The following SLC6A15 variants were observed in gnomAD, a reference collection of about 807,000 sequenced individuals.
SLC6A15 encodes the protein sodium-dependent neutral amino acid transporter B(0)AT2.
SLC6A15 carries 33 observed loss-of-function variants against 68.5 expected under a neutral mutation model. The observed-to-expected ratio is 0.48, with a 90% CI of 0.37 to 0.64. The LOEUF is 0.64. Ranked by LOEUF, SLC6A15 falls within the 30% of genes least tolerant of loss-of-function variation. The pLI is 0.00. For missense variants in SLC6A15, 747 were observed against 874.3 expected, an observed-to-expected ratio of 0.85 and a Z score of 1.84; for synonymous variants, 347 against 301.0, an observed-to-expected ratio of 1.15 and a Z score of -1.58.
At chr12:84,902,442 A>G (rs1872927767) in intron 1 of SLC6A15, among the ~76,000 whole-genome samples, 2 of 152,030 alleles carry the variant, frequency 1.3e-5, no homozygotes, top group South Asian at 2.1e-4. Context: ...CTGAAAAACA[A>G]CTTGGTTACT....
At position 84,883,331 on chromosome 12, in the gene SLC6A15, C is replaced by T. The variant is rs567486360; in HGVS notation, c.756+528G>A. The T allele has an allele frequency of 4.6e-5, 46 of 989,468 alleles. No individual in the cohort carries two copies. The African/African-American group carries it at 7.7e-4, about 17-fold the overall frequency. The allele number at this position is 989,468 out of a possible 1,614,324, so 61.3% of individuals were successfully genotyped here. The stretch of plus-strand genomic sequence containing the variant: ...GAATGATATTTAGTCTTTTACATTA[C>T]TCTGAATTCCTTGTTGGAATTATTA... On this transcript the variant is annotated intron_variant, in intron 5 of 11. Transcript: ENST00000266682.
intron 8 of SLC6A15, among the ~76,000 whole-genome samples, chr12:84,871,236 T>C (rs937157846): frequency 6.6e-6 from 1 of 151,276 alleles, no homozygotes; most frequent in African/African-American, 2.4e-5. Flanking sequence ...AAGTAGATTA[T>C]AAAAAGCCAA....
intron 1 of SLC6A15, among the ~76,000 whole-genome samples, chr12:84,902,224 A>T (rs1178461249): frequency 6.6e-6 from 1 of 151,936 alleles, no homozygotes; most frequent in Non-Finnish European, 1.5e-5. Flanking sequence ...AAAGGAAGGG[A>T]ACTTTTTTTA....
At chr12:84,865,478 C>T (rs1262801816) in intron 10 of SLC6A15, among the ~76,000 whole-genome samples, 1 of 152,138 alleles carries the variant, frequency 6.6e-6, no homozygotes, top group Non-Finnish European at 1.5e-5. Flanking sequence ...TTACCTAGAG[C>T]CCACAGTTTA....
At position 84,862,004 on chromosome 12, in the gene SLC6A15, T is replaced by A; in HGVS notation, c.1821A>T (p.Ala607=). ...TTGGATAGCTCAGAAATTCTTCAGATGCCTGTTAAAGAAGAAAATAATAAT... is the reference window on the plus strand; with the variant it reads ...TTGGATAGCTCAGAAATTCTTCAGAAGCCTGTTAAAGAAGAAAATAATAAT... ...PGYNAWIEDK[A]SEEFLSYPTW... is the part of the protein sequence containing the mutation. Residue 607 remains alanine (A), a splice_region_variant and synonymous_variant, in exon 12 of 12, where the codon GCA becomes GCT. Transcript: ENST00000266682. 6.3e-7 allele frequency: 1 copy of A among 1,576,976 alleles called. No homozygotes were observed. Among genetic ancestry groups the A allele is most frequent in the Non-Finnish European group, 8.6e-7 (1 of 1,166,318 alleles).
intron 1 of SLC6A15, among the ~76,000 whole-genome samples, chr12:84,903,090 C>A (rs1358851299): frequency 6.6e-6 from 1 of 152,066 alleles, no homozygotes; most frequent in African/African-American, 2.4e-5. Flanking sequence ...GCATACACCT[C>A]CATGTGCACC....
chr12:84,880,120 A>G (rs1184459713), intron 5 of SLC6A15, among the ~76,000 whole-genome samples: 1 of 152,208 alleles, frequency 6.6e-6, no homozygotes, highest in Non-Finnish European at 1.5e-5. Flanking sequence ...CAAGCCTACA[A>G]GATGGAGAAA....
chr12:84,907,935 C>A (rs1873244846), intron 1 of SLC6A15, among the ~76,000 whole-genome samples: 1 of 152,108 alleles, frequency 6.6e-6, no homozygotes, highest in Non-Finnish European at 1.5e-5. Flanking sequence ...AATTCAAATA[C>A]ATTGAATACT....
At chr12:84,873,054 A>C (rs1233155779) in intron 7 of SLC6A15, 33 bp downstream of exon 7, 1 of 1,598,116 alleles carries the variant, frequency 6.3e-7, no homozygotes, top group Non-Finnish European at 8.5e-7. Flanking sequence ...ATAAAAACTA[A>C]GAAAAAAGGC....
intron 5 of SLC6A15, chr12:84,883,368 A>G: frequency 1.0e-6 from 1 of 1,002,562 alleles, no homozygotes; most frequent in Admixed American, 5.5e-5. Context: ...TAACTACTTA[A>G]TGATGTTCAG....
chr12:84,883,588 A>G (rs1871930848), intron 5 of SLC6A15: 1 of 1,387,850 alleles, frequency 7.2e-7, no homozygotes, highest in East Asian at 2.6e-5. Flanking sequence ...GCAAAAAGAA[A>G]GGACTTTTAA....
intron 1 of SLC6A15, among the ~76,000 whole-genome samples, chr12:84,911,559 T>G (rs1249720896): frequency 3.9e-5 from 6 of 152,204 alleles, no homozygotes; most frequent in Non-Finnish European, 8.8e-5. Context: ...CATCAAAGGC[T>G]GCTTCTCAGC....
intron 9 of SLC6A15, among the ~76,000 whole-genome samples, chr12:84,868,247 T>C (rs1191889146): frequency 1.3e-5 from 2 of 152,200 alleles, no homozygotes; most frequent in Non-Finnish European, 2.9e-5. Flanking sequence ...ATAAGAAAAG[T>C]AACATTTACT....
Position 84,859,723 on chromosome 12 carries a change from C to T in SLC6A15, c.*1909G>A, listed in dbSNP as rs1273876878. ...AATATTGCCTCAACACAAAAATAAACAAAATTTTTATTAGTTCAGCCTCTG... is the reference window on the plus strand; with the variant it reads ...AATATTGCCTCAACACAAAAATAAATAAAATTTTTATTAGTTCAGCCTCTG... On this transcript the variant is annotated 3_prime_UTR_variant, in exon 12 of 12. Coordinates refer to ENST00000266682, the MANE Select transcript of SLC6A15 (RefSeq NM_182767.6). 6.6e-6 allele frequency: 1 copy of T among 151,830 alleles called. No individual in the cohort carries two copies. The highest frequency in any genetic ancestry group is 1.5e-5 in the Non-Finnish European group (1 of 67,880). 9.4% of individuals were successfully genotyped at this position (151,830 alleles called of 1,614,324 possible).
chr12:84,910,438 T>C (rs1478104659), intron 1 of SLC6A15, among the ~76,000 whole-genome samples: 1 of 152,126 alleles, frequency 6.6e-6, no homozygotes, highest in African/African-American at 2.4e-5. Flanking sequence ...CACATAAAAA[T>C]AAAATCGCCT....
intron 1 of SLC6A15, among the ~76,000 whole-genome samples, chr12:84,901,131 A>C (rs2120717896): frequency 6.6e-6 from 1 of 151,312 alleles, no homozygotes; most frequent in South Asian, 2.1e-4. Flanking sequence ...TGTCTTAGAA[A>C]GCTTTGAAAT....
chr12:84,880,898 T>C, intron 5 of SLC6A15: 7 of 977,918 alleles, frequency 7.2e-6, no homozygotes, highest in Non-Finnish European at 8.5e-6. Context: ...AATGTATCAT[T>C]CTTTTTGAAA....
rs143580052 is a variant in SLC6A15 at position 84,863,578 on chromosome 12, A to G, written c.1679T>C (p.Met560Thr). Reference sequence around the variant, plus strand: ...ATATCTGCTGGGAGCAAAGCCCAGCATATCTTTTAGGTCTTCCATAAACCT... The same window carrying G: ...ATATCTGCTGGGAGCAAAGCCCAGCGTATCTTTTAGGTCTTCCATAAACCT... ...IDKFMEDLKD[M>T]LGFAPSRYYY... Residue 560 changes from methionine (M) to threonine (T), a missense_variant, in exon 11 of 12, where the codon ATG becomes ACG. By Grantham distance (81) the Met-to-Thr change is moderately conservative. Transcript: ENST00000266682. 8.3e-6 allele frequency: 13 copies of G among 1,567,512 alleles called. No homozygotes were observed. Among genetic ancestry groups the G allele is most frequent in the South Asian group, 3.6e-5 (3 of 82,634 alleles).
intron 1 of SLC6A15, among the ~76,000 whole-genome samples, chr12:84,907,670 C>T (rs1010853590): frequency 6.6e-6 from 1 of 152,112 alleles, no homozygotes; most frequent in Admixed American, 6.5e-5. Flanking sequence ...AAACACACTG[C>T]TACCACATAA....
Sources: gnomAD v4.1 joint callset for allele counts (sites outside exome capture counted in the v4.1 genomes callset) on GRCh38, gnomAD v4.1.1 for gene constraint, MANE v1.5 for transcripts, NCBI Gene and HGNC (gene_info 2026-07-23, HGNC 2026-07-21) for gene names.